ZNF541: variants seen among roughly 807,000 people sequenced by gnomAD.
The protein encoded by ZNF541 is zinc finger protein 541.
In ZNF541, 23 loss-of-function variants were observed where a neutral mutation model predicts 123.5. The observed-to-expected ratio is 0.19, with a 90% confidence interval of 0.13 to 0.26. The LOEUF is 0.26. Among genes scored for constraint, ZNF541 ranks in the 10% least tolerant of loss-of-function variants. The pLI is 1.00. For synonymous variants in ZNF541, 751 were observed against 754.5 expected, an observed-to-expected ratio of 1.00 and a Z score of 0.08; for missense variants, 1,612 against 1,789.9, an observed-to-expected ratio of 0.90 and a Z score of 1.79.
At position 47,555,829 on chromosome 19, in the gene ZNF541, C is replaced by T. The variant is rs1486797621; in HGVS notation, c.28G>A (p.Gly10Ser). MDQYSLGDE[G>S]ALPSEMHLPS... The stretch of plus-strand genomic sequence containing the variant: ...AGGTGCATTTCTGATGGGAGGGCAC[C>T]CTCGTCTCCAAGGCTGTACTGGTCC... Residue 10 changes from glycine to serine, a missense_variant, in exon 3 of 17, where the codon GGT (glycine) becomes AGT (serine). This residue lies in a region of ZNF541 where 212 missense variants were observed against 289.6 expected (regional missense o/e 0.73). Coordinates refer to ENST00000391901, the MANE Select transcript of ZNF541 (RefSeq NM_001277075.3). The T allele has an allele frequency of 2.3e-5, 35 of 1,551,264 alleles. No individual in the cohort carries two copies. Among genetic ancestry groups the T allele is most frequent in the Non-Finnish European group, 2.0e-5 (23 of 1,146,910 alleles).
rs897016524 is a variant in ZNF541 at position 47,572,030 on chromosome 19, A to C, written c.-233T>G. Among the ~76,000 whole-genome samples the C allele has an allele frequency of 1.3e-5, 2 of 152,262 alleles. No homozygotes were observed. Among genetic ancestry groups the C allele is most frequent in the African/African-American group, 4.8e-5 (2 of 41,570 alleles). On this transcript the variant is annotated 5_prime_UTR_variant, in exon 2 of 17. In the 5' UTR this introduces an upstream ATG that the reference lacks. Transcript: ENST00000391901. The stretch of plus-strand genomic sequence containing the variant: ...TGAGTGGTAAATGCAGGATACTCCC[A>C]ATTTCTTTTGCCCTGAAAGCAGGTG...
At chr19:47,543,165 A>C (rs1029170599) in intron 5 of ZNF541, among the ~76,000 whole-genome samples, 12 of 152,242 alleles carry the variant, frequency 7.9e-5, no homozygotes, top group African/African-American at 2.9e-4. Flanking sequence ...TGAATAATAA[A>C]GATGTTAACA....
rs750035536 is a variant in ZNF541, at chr19:47,521,729, C to A, written c.3712-75G>T. On this transcript the variant is annotated intron_variant, in intron 15 of 16. Coordinates refer to ENST00000391901, the MANE Select transcript of ZNF541 (RefSeq NM_001277075.3). This position sits in a 1 kb window ranked among gnomAD's most constrained non-coding sequence, Gnocchi z 4.2. ...AGAGAGACACAGAGCTGGGGGCATA[C>A]GTGTCTCCTGCAGGAAAACCCTTCC... 1 of 1,523,314 alleles carries A rather than the reference C, an allele frequency of 6.6e-7. No homozygotes were observed. Among genetic ancestry groups the A allele is most frequent in the Non-Finnish European group, 8.9e-7 (1 of 1,129,806 alleles). The allele number at this position is 1,523,314 out of a possible 1,614,324, so 94.4% of individuals were successfully genotyped here.
intron 14 of ZNF541, among the ~76,000 whole-genome samples, chr19:47,528,419 C>G (rs191589079): frequency 6.6e-6 from 1 of 151,016 alleles, no homozygotes; most frequent in African/African-American, 2.4e-5. Flanking sequence ...CGGGTTCAAA[C>G]GATTCTCATG....
At chr19:47,570,576 TAAAA>T (rs35955168) in intron 2 of ZNF541, among the ~76,000 whole-genome samples, 3 of 58,826 alleles carry the variant, frequency 5.1e-5, no homozygotes, top group East Asian at 5.2e-4. Flanking sequence ...GACTCTGTCC[TAAAA>T]AAAAAAAAAA....
At chr19:47,524,056 G>T (rs191598499) in intron 14 of ZNF541, among the ~76,000 whole-genome samples, 7 of 152,270 alleles carry the variant, frequency 4.6e-5, no homozygotes, top group African/African-American at 1.7e-4. Context: ...TATGATGCAG[G>T]GGGCACTGGG....
chr19:47,536,767 A>C (rs1040334295), intron 9 of ZNF541, among the ~76,000 whole-genome samples: 2 of 152,020 alleles, frequency 1.3e-5, no homozygotes, highest in Non-Finnish European at 2.9e-5. Context: ...TCCCAAAAAA[A>C]CCCCAAAAAT....
Position 47,545,412 on chromosome 19 carries a change from C to A in ZNF541, c.1117G>T (p.Ala373Ser). ...GCGGTGGACCGGGCCTGGAGCAGCG[C>A]GGTATCTGGCTCCGGCTCTGGCGGG... ...PDPPEPEPDT[A>S]LLQARSTAEC... Residue 373 changes from alanine to serine, a missense_variant, in exon 5 of 17, where the codon GCG (alanine) becomes TCG (serine). Transcript: ENST00000391901. This position sits in a 1 kb window ranked among gnomAD's most constrained non-coding sequence, Gnocchi z 7.5. 3 of 1,494,306 alleles carry A rather than the reference C, an allele frequency of 2.0e-6. No individual in the cohort carries two copies. The highest frequency in any genetic ancestry group is 2.6e-5 in the South Asian group (2 of 76,072). 92.6% of individuals were successfully genotyped at this position (1,494,306 alleles called of 1,614,324 possible).
chr19:47,559,074 G>T (rs2123331617), intron 2 of ZNF541, among the ~76,000 whole-genome samples: 1 of 148,978 alleles, frequency 6.7e-6, no homozygotes, highest in East Asian at 2.1e-4. Flanking sequence ...AGACCTATGA[G>T]AAATAAAAAG....
At chr19:47,524,268 A>G (rs1339972934) in intron 14 of ZNF541, among the ~76,000 whole-genome samples, 1 of 152,222 alleles carries the variant, frequency 6.6e-6, no homozygotes, top group Non-Finnish European at 1.5e-5. Context: ...GGTGAAAATC[A>G]CCATGCACGC....
intron 10 of ZNF541, 74 bp from the exon 11 acceptor site, chr19:47,532,344 T>G: frequency 6.7e-7 from 1 of 1,502,306 alleles, no homozygotes; most frequent in Non-Finnish European, 9.0e-7. Flanking sequence ...GGAGACGCTC[T>G]GTATGCCCTG....
rs56162770 is a variant in ZNF541 at position 47,545,258 on chromosome 19, T to C, written c.1271A>G (p.Lys424Arg). 0.036 allele frequency: 55,961 copies of C among 1,548,770 alleles called. 1,259 individuals carry two copies. The highest frequency in any genetic ancestry group is 0.076 in the East Asian group (3,122 of 40,860). Residue 424 changes from lysine (K) to arginine (R), a missense_variant, in exon 5 of 17, where the codon AAA (lysine) becomes AGA (arginine). Lys to Arg is a conservative substitution (Grantham distance 26, BLOSUM62 2). This residue lies in a region of ZNF541 where 1,080 missense variants were observed against 1,013.8 expected (regional missense o/e 1.07). Transcript: ENST00000391901. This position sits in a 1 kb window ranked among gnomAD's most constrained non-coding sequence, Gnocchi z 7.5. ...AACAAACACGTTGTTGCCTTTGCTT[T>C]TGGGACAGCCCGGCAGGTTCCGGAG... ...QWLRNLPGCP[K>R]SKGNNVFVVH...
Position 47,521,822 on chromosome 19 carries a change from A to G in ZNF541, c.3711+32T>C, listed in dbSNP as rs145078588. The G allele has an allele frequency of 1.5e-3, 2,294 of 1,546,082 alleles. 25 individuals are homozygous for G. The African/African-American group carries it at 0.028, about 19-fold the overall frequency. ...CGGGTAGCAGGCACTGGGAGGAGAG[A>G]AGAGCTCCCGACACAGCCCTGGTTC... On this transcript the variant is annotated intron_variant, in intron 15 of 16. Transcript: ENST00000391901. The surrounding 1 kb of genome is among the most constrained non-coding windows in gnomAD (Gnocchi z 4.2).
chr19:47,553,647 G>A (rs532640264), intron 3 of ZNF541, among the ~76,000 whole-genome samples: 13 of 151,872 alleles, frequency 8.6e-5, no homozygotes, highest in East Asian at 3.9e-4. Flanking sequence ...CTCATGATCC[G>A]CCTGCCTCGG....
chr19:47,549,121 C>G (rs1970490427), intron 4 of ZNF541, 124 bp downstream of exon 4: 3 of 1,359,728 alleles, frequency 2.2e-6, no homozygotes, highest in South Asian at 2.8e-5. Context: ...AGGTAATACA[C>G]GTCTGGAAAA....
intron 14 of ZNF541, among the ~76,000 whole-genome samples, chr19:47,524,020 G>A (rs1056290345): frequency 6.6e-6 from 1 of 152,168 alleles, no homozygotes. Flanking sequence ...AAGAGTGCCC[G>A]TTCCCACAGC....
intron 3 of ZNF541, among the ~76,000 whole-genome samples, chr19:47,554,180 C>T (rs1413020296): frequency 6.6e-6 from 1 of 152,180 alleles, no homozygotes; most frequent in Non-Finnish European, 1.5e-5. Flanking sequence ...CACCTGTAAT[C>T]CCAAGCACTT....
chr19:47,527,051 G>A (rs1052698442), intron 14 of ZNF541, among the ~76,000 whole-genome samples: 3 of 152,232 alleles, frequency 2.0e-5, no homozygotes, highest in African/African-American at 7.2e-5. Flanking sequence ...AAATCATGAT[G>A]CTGAGTGTGA....
At position 47,531,624 on chromosome 19, in the gene ZNF541, C is replaced by T; in HGVS notation, c.3405+18G>A. ...TGGGCCCCAGGAAAGCAGGGAGGGT[C>T]CCCTTGCTGTTCCTCACCTGAACGT... On this transcript the variant is annotated intron_variant, in intron 12 of 16. Coordinates refer to ENST00000391901, the MANE Select transcript of ZNF541 (RefSeq NM_001277075.3). 1 of 1,521,414 alleles carries T rather than the reference C, an allele frequency of 6.6e-7. No homozygotes were observed. Among genetic ancestry groups the T allele is most frequent in the Non-Finnish European group, 8.9e-7 (1 of 1,124,934 alleles). The allele number at this position is 1,521,414 out of a possible 1,614,324, so 94.2% of individuals were successfully genotyped here.
Sources: allele counts gnomAD v4.1 joint callset (sites outside exome capture counted in the v4.1 genomes callset), GRCh38; gene constraint gnomAD v4.1.1; regional missense constraint gnomAD v4.1.1; non-coding constraint Gnocchi (gnomAD v3.1); transcripts MANE v1.5; gene names NCBI Gene and HGNC (gene_info 2026-07-23, HGNC 2026-07-21).